The following ANKRD36 variants were observed in gnomAD, a reference collection of about 807,000 sequenced individuals.
ANKRD36 encodes the protein ankyrin repeat domain 36, also known as ankyrin repeat domain-containing protein 36A.
A neutral mutation model predicts 278.1 loss-of-function variants in ANKRD36; 179 were observed. The ratio of observed to expected loss-of-function variants is 0.64; its 90% CI spans 0.57 to 0.73. ANKRD36 has a LOEUF of 0.73. Ranked by LOEUF, ANKRD36 falls within the 30% of genes least tolerant of loss-of-function variation. ANKRD36 has a pLI of 0.00. For missense variants in ANKRD36, 1,159 were observed against 1,956.7 expected (o/e 0.59, Z 7.69); for synonymous variants, 320 against 641.1 (o/e 0.50, Z 7.57).
chr2:97,198,412 A>T, intron 42 of ANKRD36, 51 bp from the exon 43 acceptor site: 2 of 1,559,196 alleles, frequency 1.3e-6, no homozygotes, highest in Non-Finnish European at 1.7e-6. Flanking sequence ...ATGTATGGAT[A>T]ATTTTGTCGT....
rs1171602142 is a variant in ANKRD36 at position 97,187,641 on chromosome 2, T to C, written c.2143+240T>C. Among the ~76,000 whole-genome samples the C allele has an allele frequency of 9.2e-5, 14 of 151,636 alleles. 1 individual carries two copies. In the South Asian group the frequency reaches 1.3e-3, roughly 14 times the overall value. On this transcript the variant is annotated intron_variant, in intron 32 of 75. Coordinates refer to ENST00000420699, the MANE Select transcript of ANKRD36 (RefSeq NM_001354587.1). ...CCACATTGAAATTGGGAAGAAGATATATGGAGAGAGGTTCAAGACATAAGG... is the reference window on the plus strand; with the variant it reads ...CCACATTGAAATTGGGAAGAAGATACATGGAGAGAGGTTCAAGACATAAGG...
At chr2:97,117,131 T>C (rs1011345757) in intron 1 of ANKRD36, among the ~76,000 whole-genome samples, 4 of 151,918 alleles carry the variant, frequency 2.6e-5, no homozygotes, top group African/African-American at 9.7e-5. Flanking sequence ...CAGAAACTTA[T>C]GACACTCTCA....
intron 15 of ANKRD36, among the ~76,000 whole-genome samples, chr2:97,156,207 A>G (rs2047389056): frequency 6.8e-6 from 1 of 146,330 alleles, no homozygotes; most frequent in African/African-American, 2.4e-5. Context: ...ATTTTTCAGG[A>G]CATACATTAC....
At position 97,154,781 on chromosome 2, in the gene ANKRD36, A is replaced by G; in HGVS notation, c.1260+40A>G. The G allele has an allele frequency of 2.1e-6, 3 of 1,406,642 alleles. 1 individual carries two copies. The highest frequency in any genetic ancestry group is 2.5e-5 in the East Asian group (1 of 39,644). The allele number at this position is 1,406,642 out of a possible 1,614,324, so 87.1% of individuals were successfully genotyped here. On this transcript the variant is annotated intron_variant, in intron 15 of 75. Coordinates refer to ENST00000420699, the MANE Select transcript of ANKRD36 (RefSeq NM_001354587.1). ...TGTGAAATTAATTTTCTCATTCTGA[A>G]TCTCATTTTTTGTATTATTTTCTTC...
At chr2:97,181,080 G>A (rs565380884) in intron 24 of ANKRD36, among the ~76,000 whole-genome samples, 1 of 151,768 alleles carries the variant, frequency 6.6e-6, no homozygotes, top group South Asian at 2.1e-4. Flanking sequence ...ACATATCCAA[G>A]GTGATCAATT....
At chr2:97,220,905 C>T (rs1415228220) in intron 66 of ANKRD36, among the ~76,000 whole-genome samples, 1 of 143,238 alleles carries the variant, frequency 7.0e-6, no homozygotes, top group African/African-American at 2.7e-5. Flanking sequence ...TTAGGTATAT[C>T]TCCCAATGCT....
At position 97,207,883 on chromosome 2, in the gene ANKRD36, T is replaced by G. The variant is rs2063312032; in HGVS notation, c.3192+44T>G. 5 of 1,542,340 alleles carry G rather than the reference T, an allele frequency of 3.2e-6. No individual in the cohort carries two copies. In the East Asian group the frequency reaches 1.2e-4, roughly 38 times the overall value. On this transcript the variant is annotated intron_variant, in intron 53 of 75. Coordinates refer to ENST00000420699, the MANE Select transcript of ANKRD36 (RefSeq NM_001354587.1). Reference sequence around the variant, plus strand: ...ATATTGTGAACTAGTAAATGTATAGTCTATGAAACATACTTTATTAATTTA... The same window carrying G: ...ATATTGTGAACTAGTAAATGTATAGGCTATGAAACATACTTTATTAATTTA...
At chr2:97,231,962 C>T (rs1288828034) in intron 67 of ANKRD36, among the ~76,000 whole-genome samples, 139 of 152,168 alleles carry the variant, frequency 9.1e-4, no homozygotes, top group Non-Finnish European at 1.5e-3. Flanking sequence ...TCTCCTAATT[C>T]ATTTTTGGGA....
intron 22 of ANKRD36, among the ~76,000 whole-genome samples, chr2:97,173,485 G>C (rs534406978): frequency 6.6e-6 from 1 of 151,824 alleles, no homozygotes; most frequent in Non-Finnish European, 1.5e-5. Context: ...ATTTGTACAC[G>C]TTAGTCAAGT....
intron 58 of ANKRD36, among the ~76,000 whole-genome samples, chr2:97,212,007 A>G (rs2064793186): frequency 6.6e-6 from 1 of 151,876 alleles, no homozygotes; most frequent in Non-Finnish European, 1.5e-5. Context: ...CTCAGGGGAC[A>G]GCATCATTTT....
chr2:97,131,075 T>A (rs2040018746), intron 6 of ANKRD36, among the ~76,000 whole-genome samples: 2 of 152,228 alleles, frequency 1.3e-5, no homozygotes, highest in South Asian at 4.2e-4. Flanking sequence ...TGACATAGTT[T>A]TAATGTAAAA....
chr2:97,157,777 A>G (rs2047853115), intron 15 of ANKRD36, among the ~76,000 whole-genome samples: 1 of 150,940 alleles, frequency 6.6e-6, no homozygotes, highest in Non-Finnish European at 1.5e-5. Context: ...TTTTATTATT[A>G]GTTTTGTTCA....
intron 13 of ANKRD36, 54 bp downstream of exon 13, chr2:97,151,993 T>G (rs1574988739): frequency 7.8e-7 from 1 of 1,274,138 alleles, no homozygotes; most frequent in Non-Finnish European, 1.1e-6. Flanking sequence ...TCATTTGTTT[T>G]TTTTTTTTCT....
At chr2:97,136,536 G>A (rs967789545) in intron 6 of ANKRD36, among the ~76,000 whole-genome samples, 1 of 151,918 alleles carries the variant, frequency 6.6e-6, no homozygotes, top group Non-Finnish European at 1.5e-5. Flanking sequence ...ATAGCCTTGT[G>A]GTACTGAGCC....
At chr2:97,157,837 G>C (rs2047865909) in intron 15 of ANKRD36, among the ~76,000 whole-genome samples, 3 of 151,640 alleles carry the variant, frequency 2.0e-5, no homozygotes, top group Admixed American at 2.0e-4. Context: ...GTTTGTTGTG[G>C]TTAATAAAAG....
chr2:97,138,952 G>A (rs939932351), intron 6 of ANKRD36, among the ~76,000 whole-genome samples: 1 of 152,036 alleles, frequency 6.6e-6, no homozygotes, highest in Non-Finnish European at 1.5e-5. Context: ...AGACTTAAAA[G>A]TAAGTTCTCA....
chr2:97,227,558 A>G (rs1383610999), intron 67 of ANKRD36, among the ~76,000 whole-genome samples: 1 of 152,124 alleles, frequency 6.6e-6, no homozygotes, highest in Non-Finnish European at 1.5e-5. Flanking sequence ...ATATACAATC[A>G]TGTCGTCTGC....
At chr2:97,217,924 C>CA (rs1432739789) in intron 64 of ANKRD36, among the ~76,000 whole-genome samples, 1 of 151,790 alleles carries the variant, frequency 6.6e-6, no homozygotes, top group Non-Finnish European at 1.5e-5. Flanking sequence ...TGAGTGAACT[C>CA]ACTTCAGATG....
intron 8 of ANKRD36, among the ~76,000 whole-genome samples, 164 bp from the exon 9 acceptor site, chr2:97,144,354 A>G (rs2043703478): frequency 6.6e-6 from 1 of 152,220 alleles, no homozygotes; most frequent in East Asian, 1.9e-4. Flanking sequence ...TGTTTTCTAC[A>G]GTGTAATTCT....
Sources: gnomAD v4.1 joint callset for allele counts (sites outside exome capture counted in the v4.1 genomes callset) on GRCh38, gnomAD v4.1.1 for gene constraint, MANE v1.5 for transcripts, NCBI Gene and HGNC (gene_info 2026-07-23, HGNC 2026-07-21) for gene names.